TPD52L1: variants seen among roughly 807,000 people sequenced by gnomAD.
TPD52L1 encodes the protein TPD52 like 1.
A neutral mutation model predicts 28.7 loss-of-function variants in TPD52L1; 18 were observed. The observed-to-expected ratio is 0.63, with a 90% CI of 0.43 to 0.93. The LOEUF is 0.93. Among genes scored for constraint, TPD52L1 ranks in the 40% least tolerant of loss-of-function variants. The pLI is 0.00. For synonymous variants in TPD52L1, 75 were observed against 88.8 expected, an observed-to-expected ratio of 0.84 and a Z score of 0.88; for missense variants, 203 against 254.8, an observed-to-expected ratio of 0.80 and a Z score of 1.39.
chr6:125,235,101 C>CAATAATAATAATAAT (rs147249181), intron 3 of TPD52L1, among the ~76,000 whole-genome samples: 18,931 of 142,330 alleles, frequency 0.13, 1,440 homozygotes, highest in South Asian at 0.17. Flanking sequence ...CTACAAATAA[C>CAATAATAATAATAAT]AATAATAATA....
intron 5 of TPD52L1, among the ~76,000 whole-genome samples, chr6:125,256,833 C>T (rs142753496): frequency 2.0e-5 from 3 of 152,244 alleles, no homozygotes; most frequent in African/African-American, 7.2e-5. Context: ...GGAATTATTA[C>T]AGTTGTGTCA....
rs1441994496 is a variant in TPD52L1 at position 125,252,698 on chromosome 6, C to G, written c.387-1019C>G. 3 of 152,306 alleles carry G rather than the reference C, an allele frequency of 2.0e-5. No homozygotes were observed. In the South Asian group the frequency reaches 6.2e-4, roughly 32 times the overall value. The allele number at this position is 152,306 out of a possible 1,614,324, so 9.4% of individuals were successfully genotyped here. A position where few individuals can be genotyped will look rare whatever the true frequency, so the allele number is the denominator to read the frequency against. ...ACACCAATTGGTAATGCAGATGAGG[C>G]TCTTTTAGTGATGCTTTTGAAGTGT... On this transcript the variant is annotated intron_variant, in intron 4 of 6. Transcript: ENST00000534000.
intron 1 of TPD52L1, among the ~76,000 whole-genome samples, chr6:125,212,182 TA>T (rs1220152639): frequency 1.3e-5 from 2 of 152,178 alleles, no homozygotes; most frequent in African/African-American, 4.8e-5. Flanking sequence ...GTCTTAAATC[TA>T]TTATTTAAAA....
intron 3 of TPD52L1, among the ~76,000 whole-genome samples, chr6:125,241,557 T>C (rs1418158017): frequency 2.6e-5 from 4 of 151,988 alleles, no homozygotes; most frequent in Non-Finnish European, 5.9e-5. Flanking sequence ...GAGGGTTGTA[T>C]TGATATATTT....
At chr6:125,245,814 C>T (rs1796890763) in intron 3 of TPD52L1, among the ~76,000 whole-genome samples, 1 of 152,200 alleles carries the variant, frequency 6.6e-6, no homozygotes, top group African/African-American at 2.4e-5. Context: ...ACAATGAACT[C>T]AGACCTGCCC....
At chr6:125,202,197 C>A (rs748995326) in intron 1 of TPD52L1, among the ~76,000 whole-genome samples, 1 of 152,020 alleles carries the variant, frequency 6.6e-6, no homozygotes, top group Non-Finnish European at 1.5e-5. Flanking sequence ...CTGAGGAAGT[C>A]TTTCTTACTA....
At chr6:125,208,992 T>C (rs1794338157) in intron 1 of TPD52L1, 1 of 970,760 alleles carries the variant, frequency 1.0e-6, no homozygotes, top group African/African-American at 1.8e-5. Context: ...AGCACTGTCT[T>C]CAGAGTCTCA....
chr6:125,173,995 T>C (rs1218484729), intron 1 of TPD52L1, among the ~76,000 whole-genome samples: 1 of 152,190 alleles, frequency 6.6e-6, no homozygotes, highest in Non-Finnish European at 1.5e-5. Flanking sequence ...TTGGATTCAT[T>C]TCCCAGTGCA....
chr6:125,200,402 G>A (rs1036721645), intron 1 of TPD52L1, among the ~76,000 whole-genome samples: 1 of 152,064 alleles, frequency 6.6e-6, no homozygotes, highest in African/African-American at 2.4e-5. Context: ...ATGGTTTTTT[G>A]AATAATTTAG....
intron 3 of TPD52L1, among the ~76,000 whole-genome samples, chr6:125,244,651 T>C (rs1218586334): frequency 6.6e-6 from 1 of 152,184 alleles, no homozygotes; most frequent in Non-Finnish European, 1.5e-5. Flanking sequence ...CACCCTGGAT[T>C]GTTCCAGAAA....
Position 125,153,823 on chromosome 6 carries a change from C to T in TPD52L1, c.-129C>T. ...CGTCCCCAACCCCCTCCGCGCAGCG[C>T]TCGCGACACGCGTGCCAGGAGTGGG... On this transcript the variant is annotated 5_prime_UTR_variant, in exon 1 of 7. Transcript: ENST00000534000. 8.9e-7 allele frequency: 1 copy of T among 1,119,602 alleles called. No homozygotes were observed. The highest frequency in any genetic ancestry group is 1.2e-6 in the Non-Finnish European group (1 of 819,404). 69.4% of individuals were successfully genotyped at this position (1,119,602 alleles called of 1,614,324 possible).
chr6:125,240,020 A>G (rs770589344), intron 3 of TPD52L1, among the ~76,000 whole-genome samples: 14 of 152,114 alleles, frequency 9.2e-5, no homozygotes, highest in Non-Finnish European at 2.1e-4. Context: ...AGAGATGAGG[A>G]TCCAGTTTCG....
intron 1 of TPD52L1, among the ~76,000 whole-genome samples, chr6:125,198,145 C>T (rs967944295): frequency 6.6e-6 from 1 of 152,190 alleles, no homozygotes; most frequent in African/African-American, 2.4e-5. Flanking sequence ...GGAGCCGAAG[C>T]TCTGTCTACC....
At chr6:125,195,210 G>T (rs1020127941) in intron 1 of TPD52L1, among the ~76,000 whole-genome samples, 1 of 152,164 alleles carries the variant, frequency 6.6e-6, no homozygotes, top group Non-Finnish European at 1.5e-5. Flanking sequence ...CTGTAACAAG[G>T]GTCATTAAGA....
At chr6:125,199,214 T>G (rs1332782647) in intron 1 of TPD52L1, among the ~76,000 whole-genome samples, 1 of 152,204 alleles carries the variant, frequency 6.6e-6, no homozygotes, top group Non-Finnish European at 1.5e-5. Flanking sequence ...GACAATAGAT[T>G]GAAGGAGCTA....
chr6:125,211,261 G>A (rs1027369287), intron 1 of TPD52L1, among the ~76,000 whole-genome samples: 13 of 148,966 alleles, frequency 8.7e-5, no homozygotes, highest in Non-Finnish European at 1.6e-4. Flanking sequence ...ATATGGATCT[G>A]TCTATCTATC....
Position 125,229,152 on chromosome 6 carries a change from T to G in TPD52L1, c.170T>G (p.Leu57Trp), listed in dbSNP as rs149799087. 1.9e-6 allele frequency: 3 copies of G among 1,613,462 alleles called. No individual in the cohort carries two copies. In the African/African-American group the frequency reaches 4.0e-5, roughly 22 times the overall value. ...EDEITTLRQV[L>W]SAKERHLVEI... ...GAAATTACAACACTACGACAAGTTT[T>G]GTCAGCGAAAGAAAGGCATCTAGTT... The change falls in exon 3 of 7, where the codon TTG becomes TGG. Residue 57 changes from leucine (L) to tryptophan (W), a missense_variant. By Grantham distance (61) the Leu-to-Trp change is moderately conservative. Coordinates refer to ENST00000534000, the MANE Select transcript of TPD52L1 (RefSeq NM_003287.4).
chr6:125,253,834 G>C, intron 5 of TPD52L1, 79 bp downstream of exon 5: 1 of 1,320,602 alleles, frequency 7.6e-7, no homozygotes, highest in Non-Finnish European at 1.1e-6. Flanking sequence ...TTACTTATGG[G>C]GTTCCTCTGC....
chr6:125,171,314 T>C (rs1021087455), intron 1 of TPD52L1, among the ~76,000 whole-genome samples: 2 of 152,164 alleles, frequency 1.3e-5, no homozygotes, highest in African/African-American at 4.8e-5. Flanking sequence ...TATCAATGCT[T>C]GTGGCAGACA....
Sources: allele counts gnomAD v4.1 joint callset (sites outside exome capture counted in the v4.1 genomes callset), GRCh38; gene constraint gnomAD v4.1.1; transcripts MANE v1.5; gene names NCBI Gene and HGNC (gene_info 2026-07-23, HGNC 2026-07-21).